GDA: variants seen among roughly 807,000 people sequenced by gnomAD.
The protein encoded by GDA is cytoplasmic PSD-95 interactor.
In GDA, 18 loss-of-function variants were observed where a neutral mutation model predicts 59.6. The observed-to-expected ratio is 0.30, with a 90% confidence interval of 0.21 to 0.45. The LOEUF (loss-of-function observed/expected upper bound fraction) is 0.45, where lower values mean the gene tolerates loss of function less well. GDA is among the 20% of genes least tolerant of loss of function. GDA has a pLI of 1.00. For missense variants in GDA, 427 were observed against 552.3 expected (o/e 0.77, Z 2.27); for synonymous variants, 201 against 201.1 (o/e 1.00, Z 0.00).
Position 72,171,303 on chromosome 9 carries a change from A to G in GDA, c.123+21621A>G, listed in dbSNP as rs72727213. Reference sequence around the variant, plus strand: ...TTTCAAATTTGCCTGATCATTTTTGATTGTCTCTTGTTGCTTATTCCATTT... The same window carrying G: ...TTTCAAATTTGCCTGATCATTTTTGGTTGTCTCTTGTTGCTTATTCCATTT... On this transcript the variant is annotated intron_variant, in intron 1 of 13. Transcript: ENST00000358399. Among the ~76,000 whole-genome samples, 1,142 of 151,876 alleles carry G rather than the reference A, an allele frequency of 7.5e-3. 4 individuals carry two copies. The highest frequency in any genetic ancestry group is 0.013 in the Non-Finnish European group (872 of 67,940).
intron 1 of GDA, among the ~76,000 whole-genome samples, chr9:72,180,943 T>C (rs1452483158): frequency 6.6e-6 from 1 of 152,236 alleles, no homozygotes; most frequent in Non-Finnish European, 1.5e-5. Flanking sequence ...ATCTGTATTA[T>C]TGTGTTTCCT....
chr9:72,119,277 G>C (rs1825578431), intron 1 of GDA, among the ~76,000 whole-genome samples: 1 of 152,180 alleles, frequency 6.6e-6, no homozygotes, highest in South Asian at 2.1e-4. Context: ...GGCCGAGGGG[G>C]GCAGATTCCA....
intron 8 of GDA, 36 bp downstream of exon 8, chr9:72,225,820 A>C: frequency 1.3e-6 from 1 of 768,698 alleles, no homozygotes; most frequent in South Asian, 1.8e-5. Context: ...TGTTTAAAGG[A>C]GGGCATATTT....
chr9:72,194,644 C>T (rs1322954428), intron 1 of GDA, among the ~76,000 whole-genome samples: 1 of 152,136 alleles, frequency 6.6e-6, no homozygotes. Flanking sequence ...TGTGTTCCCC[C>T]CCTTCCCGGC....
At chr9:72,184,848 G>T (rs1030447805) in intron 1 of GDA, among the ~76,000 whole-genome samples, 3 of 152,192 alleles carry the variant, frequency 2.0e-5, no homozygotes, top group Non-Finnish European at 4.4e-5. Flanking sequence ...TGGTTTTCAA[G>T]TTATATAATT....
intron 1 of GDA, among the ~76,000 whole-genome samples, chr9:72,193,536 G>GTGGCCACAATCACCCTTA (rs1326923728): frequency 6.6e-6 from 1 of 152,248 alleles, no homozygotes; most frequent in Non-Finnish European, 1.5e-5. Context: ...AAGCACCCTT[G>GTGGCCACAATCACCCTTA]TGGCCACAAT....
chr9:72,166,252 T>C (rs1320619242), intron 1 of GDA, among the ~76,000 whole-genome samples: 1 of 152,202 alleles, frequency 6.6e-6, no homozygotes, highest in African/African-American at 2.4e-5. Context: ...GCCAAATCAT[T>C]GAGCAGATAG....
chr9:72,147,578 A>T (rs7848485), upstream of GDA, among the ~76,000 whole-genome samples: 33,106 of 151,934 alleles, frequency 0.22, 4,707 homozygotes, highest in African/African-American at 0.41. Flanking sequence ...ATAATGTTCT[A>T]TCAAGTAGAT....
intron 1 of GDA, among the ~76,000 whole-genome samples, chr9:72,169,296 T>C (rs914367803): frequency 1.3e-4 from 20 of 152,116 alleles, no homozygotes; most frequent in African/African-American, 4.8e-4. Flanking sequence ...TTGTTCTGAG[T>C]TTCTTTTGTT....
At position 72,216,006 on chromosome 9, in the gene GDA, G is replaced by A. The variant is rs942202510; in HGVS notation, c.578+2015G>A. The stretch of plus-strand genomic sequence containing the variant: ...ACTGCACACCACTTGCATGAATCTG[G>A]TGAGACAGCACACTTATACAACAAG... On this transcript the variant is annotated intron_variant, in intron 5 of 13. Transcript: ENST00000358399. Among the ~76,000 whole-genome samples, 9 of 152,314 alleles carry A rather than the reference G, an allele frequency of 5.9e-5. No individual in the cohort carries two copies. In the Middle Eastern group the frequency reaches 0.014, roughly 230 times the overall value.
intron 11 of GDA, among the ~76,000 whole-genome samples, chr9:72,242,161 GATGCCAGC>G (rs941716054): frequency 3.0e-4 from 46 of 152,252 alleles, no homozygotes; most frequent in African/African-American, 1.0e-3. Flanking sequence ...CACCTAATCT[GATGCCAGC>G]ATGCAGATTT....
intron 5 of GDA, among the ~76,000 whole-genome samples, chr9:72,216,712 G>A (rs1464581579): frequency 6.7e-6 from 1 of 149,874 alleles, no homozygotes; most frequent in Non-Finnish European, 1.5e-5. Context: ...ATCTTGCTTT[G>A]TTGCCCAGGC....
At chr9:72,139,595 G>A (rs992468882) in intron 1 of GDA, among the ~76,000 whole-genome samples, 1 of 152,078 alleles carries the variant, frequency 6.6e-6, no homozygotes, top group Admixed American at 6.5e-5. Flanking sequence ...TGAGGCAGGA[G>A]GATCACTTGA....
At chr9:72,140,766 T>C (rs1276544475) in intron 1 of GDA, among the ~76,000 whole-genome samples, 1 of 152,212 alleles carries the variant, frequency 6.6e-6, no homozygotes, top group Non-Finnish European at 1.5e-5. Flanking sequence ...AAATGTTAAA[T>C]GCCATTCTTC....
chr9:72,190,617 G>T (rs1832418536), intron 1 of GDA, among the ~76,000 whole-genome samples: 1 of 152,112 alleles, frequency 6.6e-6, no homozygotes, highest in Non-Finnish European at 1.5e-5. Context: ...AGACTACGGT[G>T]CTCCTAACCC....
At chr9:72,136,442 C>T (rs76905800) in intron 1 of GDA, among the ~76,000 whole-genome samples, 2,260 of 152,244 alleles carry the variant, frequency 0.015, 54 homozygotes, top group African/African-American at 0.052. Context: ...TCATCTCACA[C>T]TTTATCAGTT....
intron 1 of GDA, among the ~76,000 whole-genome samples, chr9:72,131,976 T>G (rs189427011): frequency 6.6e-6 from 1 of 152,326 alleles, no homozygotes; most frequent in East Asian, 1.9e-4. Flanking sequence ...ATATCTTACA[T>G]GGATGGTGGC....
At chr9:72,233,182 A>G (rs1159592319) in intron 10 of GDA, among the ~76,000 whole-genome samples, 4 of 152,224 alleles carry the variant, frequency 2.6e-5, no homozygotes, top group Non-Finnish European at 1.5e-5. Flanking sequence ...AATAGAGAGC[A>G]AGTCCAAGAG....
intron 1 of GDA, among the ~76,000 whole-genome samples, chr9:72,186,323 C>T (rs1831855842): frequency 1.3e-5 from 2 of 152,132 alleles, no homozygotes; most frequent in African/African-American, 4.8e-5. Flanking sequence ...TCCCCACTAG[C>T]CTCTCTGGTG....
Sources: gnomAD v4.1 joint callset for allele counts (sites outside exome capture counted in the v4.1 genomes callset) on GRCh38, gnomAD v4.1.1 for gene constraint, MANE v1.5 for transcripts, NCBI Gene and HGNC (gene_info 2026-07-23, HGNC 2026-07-21) for gene names.